The following MTFR1 variants were observed in gnomAD, a reference collection of about 807,000 sequenced individuals.
MTFR1 encodes chondrocyte protein with a poly-proline region.
Under a neutral mutation model 38.8 loss-of-function variants are expected in MTFR1, and 28 were observed. The ratio of observed to expected loss-of-function variants is 0.72; its 90% CI spans 0.53 to 0.99. The LOEUF is 0.99. Ranked by LOEUF, MTFR1 falls within the 50% of genes least tolerant of loss-of-function variation. The pLI, the probability that MTFR1 is intolerant of heterozygous loss-of-function variation, is 0.00. For synonymous variants in MTFR1, 145 were observed against 137.0 expected (o/e 1.06, Z -0.41); for missense variants, 358 against 395.5 (o/e 0.91, Z 0.81).
In MTFR1 at chr8:65,663,157, TG is replaced by T. The variant is rs1303217815; in HGVS notation, c.-80-6713del. Among the ~76,000 whole-genome samples, 3 of 150,978 alleles carry T rather than the reference TG, an allele frequency of 2.0e-5. No individual in the cohort carries two copies. In the Admixed American group the frequency reaches 2.0e-4, roughly 10 times the overall value. On this transcript the variant is annotated intron_variant, in intron 1 of 7. Transcript: ENST00000262146. ...GTGTCTGTGTAGAAAGAGGTAGACA[TG>T]GGAGACTTTTCATTTTGTTCTATAC...
chr8:65,776,516 C>T, the MTFR1 span, among the ~76,000 whole-genome samples: 954 of 152,262 alleles, frequency 6.3e-3, 9 homozygotes, highest in Non-Finnish European at 0.011. Context: ...TCTTTAAATA[C>T]TGAATCCTCC....
At chr8:65,749,208 A>C (rs1337578423) in intron 3 of MTFR1, among the ~76,000 whole-genome samples, 1 of 152,204 alleles carries the variant, frequency 6.6e-6, no homozygotes, top group Non-Finnish European at 1.5e-5. Flanking sequence ...ACAAATGATG[A>C]CTTTCAGAAC....
intron 2 of MTFR1, among the ~76,000 whole-genome samples, chr8:65,672,743 A>G (rs1444740700): frequency 6.6e-6 from 1 of 152,132 alleles, no homozygotes; most frequent in African/African-American, 2.4e-5. Flanking sequence ...TTCATCTTGC[A>G]CTTTTATGTT....
chr8:65,739,525 A>G lies in MTFR1; in HGVS notation c.*48+20044A>G, dbSNP rs145478632. 8 of 1,568,948 alleles carry G rather than the reference A, an allele frequency of 5.1e-6. No homozygotes were observed. In the African/African-American group the frequency reaches 5.5e-5, roughly 11 times the overall value. ...ACCTAAAAATCTACGAAGTTTCATC[A>G]TATCTAAATGGAAGTACTCAATTAA... On this transcript the variant is annotated intron_variant, in intron 3 of 3. Coordinates refer to the MTFR1 transcript ENST00000521247.
At chr8:65,657,846 T>C (rs1809311230) in intron 1 of MTFR1, among the ~76,000 whole-genome samples, 1 of 152,228 alleles carries the variant, frequency 6.6e-6, no homozygotes, top group South Asian at 2.1e-4. Flanking sequence ...TTGCAATACA[T>C]ATAATGTGTA....
chr8:65,654,266 T>C (rs1174028056), intron 1 of MTFR1, among the ~76,000 whole-genome samples: 2 of 152,150 alleles, frequency 1.3e-5, no homozygotes, highest in African/African-American at 4.8e-5. Context: ...TCTGTTACTT[T>C]ATTGTTTTTT....
chr8:65,678,014 CAA>C (rs1328897906), intron 2 of MTFR1, among the ~76,000 whole-genome samples: 44 of 78,292 alleles, frequency 5.6e-4, no homozygotes, highest in Admixed American at 7.3e-4. Context: ...GACTCTGTCT[CAA>C]AAAAAAAAAA....
intron 2 of MTFR1, among the ~76,000 whole-genome samples, chr8:65,672,806 A>G (rs529024476): frequency 2.0e-5 from 3 of 152,250 alleles, no homozygotes; most frequent in Middle Eastern, 3.4e-3. Flanking sequence ...GCTAGCTTCA[A>G]CTTTTCTTTT....
chr8:65,719,042 C>T (rs182903906), intron 2 of MTFR1: 11 of 533,444 alleles, frequency 2.1e-5, no homozygotes, highest in Middle Eastern at 5.0e-4. Context: ...TTCGGATTCT[C>T]TCCTGCTGGG....
chr8:65,765,560 C>T (rs896253465), intron 3 of MTFR1: 3 of 132,644 alleles, frequency 2.3e-5, no homozygotes, highest in Non-Finnish European at 4.8e-5. Context: ...TGGAACATGA[C>T]TGTGTCCCAA....
rs972817567 is a variant in MTFR1 at position 65,724,716 on chromosome 8, T to G, written c.*48+5235T>G. ...GAAAAACTACACTAGAATATTCATT[T>G]TTTAGTTTGACAGTCACATAATTTA... On this transcript the variant is annotated intron_variant, in intron 3 of 3. Transcript: ENST00000521247. The G allele has an allele frequency of 5.7e-6, 8 of 1,403,146 alleles. No individual in the cohort carries two copies. In the Middle Eastern group the frequency reaches 9.1e-4, roughly 160 times the overall value. The allele number at this position is 1,403,146 out of a possible 1,614,324, so 86.9% of individuals were successfully genotyped here.
At chr8:65,672,466 T>C (rs1448745115) in intron 2 of MTFR1, among the ~76,000 whole-genome samples, 1 of 152,216 alleles carries the variant, frequency 6.6e-6, no homozygotes, top group Non-Finnish European at 1.5e-5. Context: ...ATACTATGAA[T>C]TTCATTTCAG....
intron 3 of MTFR1, among the ~76,000 whole-genome samples, chr8:65,723,883 G>T (rs1010288735): frequency 2.0e-5 from 3 of 152,070 alleles, no homozygotes; most frequent in African/African-American, 7.2e-5. Context: ...TGAAAGGAAG[G>T]TTCATGAAAT....
intron 3 of MTFR1, among the ~76,000 whole-genome samples, chr8:65,744,881 G>C (rs1205851660): frequency 1.3e-5 from 2 of 152,118 alleles, no homozygotes; most frequent in African/African-American, 4.8e-5. Flanking sequence ...TGATTCTGTA[G>C]GCTTTTAGAA....
intron 3 of MTFR1, chr8:65,689,635 A>C: frequency 1.6e-6 from 2 of 1,246,352 alleles, no homozygotes; most frequent in South Asian, 1.4e-5. Context: ...CTTCCCATGC[A>C]TGTCGTGGTG....
chr8:65,762,824 T>C (rs762792241), intron 3 of MTFR1, among the ~76,000 whole-genome samples: 6 of 152,274 alleles, frequency 3.9e-5, no homozygotes, highest in African/African-American at 1.4e-4. Context: ...AGAATAAGCA[T>C]ACAATCTCAT....
At chr8:65,716,969 A>T (rs537256921) in intron 2 of MTFR1, among the ~76,000 whole-genome samples, 22 of 152,318 alleles carry the variant, frequency 1.4e-4, no homozygotes, top group African/African-American at 4.8e-4. Context: ...GACTAGTCCA[A>T]ATTGAGATGT....
chr8:65,775,726 C>A (rs549400966), downstream of MTFR1, among the ~76,000 whole-genome samples: 1 of 152,212 alleles, frequency 6.6e-6, no homozygotes, highest in East Asian at 1.9e-4. Flanking sequence ...CTCCCAGGTT[C>A]GAGTGATTCT....
intron 1 of MTFR1, among the ~76,000 whole-genome samples, chr8:65,656,155 C>T (rs906301079): frequency 2.7e-5 from 4 of 150,118 alleles, no homozygotes; most frequent in African/African-American, 9.9e-5. Flanking sequence ...GAGATCACAT[C>T]ATTTTTCTCC....
Sources: gnomAD v4.1 joint callset for allele counts (sites outside exome capture counted in the v4.1 genomes callset) on GRCh38, gnomAD v4.1.1 for gene constraint, MANE v1.5 for transcripts, NCBI Gene and HGNC (gene_info 2026-07-23, HGNC 2026-07-21) for gene names.